CSTPP1: variants seen among roughly 807,000 people sequenced by gnomAD.
The protein encoded by CSTPP1 is centriolar satellite-associated tubulin polyglutamylase complex regulator 1, also known as UPF0705 protein C11orf49.
At chr11:47,161,194 A>C in the CSTPP1 span, 2 of 1,613,676 alleles carry the variant, frequency 1.2e-6, no homozygotes, top group Non-Finnish European at 1.7e-6. Flanking sequence ...AACGGCTGTA[A>C]GTGTCAAGTG....
the CSTPP1 span, among the ~76,000 whole-genome samples, chr11:46,982,872 ATTATT>A: frequency 6.6e-6 from 1 of 152,164 alleles, no homozygotes; most frequent in Non-Finnish European, 1.5e-5. Context: ...GATTACATAG[ATTATT>A]TTATTTAATC....
chr11:47,161,909 C>T, the CSTPP1 span: 6 of 1,232,850 alleles, frequency 4.9e-6, no homozygotes, highest in African/African-American at 1.5e-5. Context: ...CTTGTCACGC[C>T]GTAGCCTGTT....
chr11:47,159,424 C>G, the CSTPP1 span, among the ~76,000 whole-genome samples: 1 of 151,934 alleles, frequency 6.6e-6, no homozygotes, highest in Non-Finnish European at 1.5e-5. Flanking sequence ...GCATGAGAAT[C>G]GGTTGAGCCC....
the CSTPP1 span, among the ~76,000 whole-genome samples, chr11:46,951,988 C>T: frequency 1.3e-5 from 2 of 152,092 alleles, no homozygotes; most frequent in African/African-American, 4.8e-5. Flanking sequence ...GTTTGTTTGG[C>T]GCTTCAGGTG....
the CSTPP1 span, among the ~76,000 whole-genome samples, chr11:47,047,980 G>A: frequency 6.6e-6 from 1 of 152,188 alleles, no homozygotes; most frequent in African/African-American, 2.4e-5. Context: ...TTCTAGGTTG[G>A]CTGTTTTTTA....
the CSTPP1 span, among the ~76,000 whole-genome samples, chr11:47,083,362 C>G: frequency 1.2e-4 from 18 of 152,274 alleles, no homozygotes; most frequent in Middle Eastern, 3.4e-3. Context: ...CATTGATAGA[C>G]ATTGGATTGT....
the CSTPP1 span, chr11:47,162,248 C>G: frequency 3.0e-6 from 3 of 985,468 alleles, no homozygotes; most frequent in Non-Finnish European, 3.6e-6. Flanking sequence ...TGTCTGGTAA[C>G]TGGTGAGTCT....
At chr11:47,144,023 T>TA in the CSTPP1 span, among the ~76,000 whole-genome samples, 1 of 152,154 alleles carries the variant, frequency 6.6e-6, no homozygotes, top group Middle Eastern at 3.2e-3. Context: ...TGTGCCCCAT[T>TA]AACTGGATGA....
chr11:47,115,738 T>G, the CSTPP1 span, among the ~76,000 whole-genome samples: 1 of 151,870 alleles, frequency 6.6e-6, no homozygotes, highest in African/African-American at 2.4e-5. Flanking sequence ...GTCTATCAAT[T>G]TTGTTGATCT....
chr11:47,101,414 G>A, the CSTPP1 span, among the ~76,000 whole-genome samples: 1 of 151,630 alleles, frequency 6.6e-6, no homozygotes, highest in African/African-American at 2.4e-5. Flanking sequence ...CTTATGGTGA[G>A]TTTCAAGTAT....
chr11:47,163,543 G>A, the CSTPP1 span, among the ~76,000 whole-genome samples: 2 of 152,212 alleles, frequency 1.3e-5, no homozygotes, highest in South Asian at 2.1e-4. Context: ...AGAGAAAGGG[G>A]TGGCCAAGCT....
the CSTPP1 span, among the ~76,000 whole-genome samples, chr11:47,085,833 C>T: frequency 1.3e-5 from 2 of 151,058 alleles, no homozygotes; most frequent in East Asian, 1.9e-4. Flanking sequence ...GAGCCAAGGT[C>T]GCACCATTGC....
the CSTPP1 span, among the ~76,000 whole-genome samples, chr11:46,959,377 A>G: frequency 6.6e-5 from 10 of 152,070 alleles, no homozygotes; most frequent in Non-Finnish European, 1.5e-4. Context: ...TCCTGTTTTT[A>G]GTAGGGCACC....
At chr11:47,001,382 G>T in the CSTPP1 span, among the ~76,000 whole-genome samples, 1 of 152,156 alleles carries the variant, frequency 6.6e-6, no homozygotes, top group Non-Finnish European at 1.5e-5. Flanking sequence ...TAGAAAAGGA[G>T]CATTAATAAT....
chr11:46,988,206 G>T, the CSTPP1 span, among the ~76,000 whole-genome samples: 7 of 152,124 alleles, frequency 4.6e-5, no homozygotes, highest in Non-Finnish European at 1.0e-4. Context: ...CAATTCAACT[G>T]CTGGGTATAT....
chr11:47,145,283 G>A, the CSTPP1 span, among the ~76,000 whole-genome samples: 1 of 152,034 alleles, frequency 6.6e-6, no homozygotes. Flanking sequence ...ACCGCACCCG[G>A]CTGTATTGCC....
At chr11:47,151,605 A>T in the CSTPP1 span, among the ~76,000 whole-genome samples, 4 of 151,394 alleles carry the variant, frequency 2.6e-5, no homozygotes, top group African/African-American at 7.3e-5. Flanking sequence ...GGCGGGGGGA[A>T]GTTTCCAGGA....
chr11:47,135,718 G>A, the CSTPP1 span, among the ~76,000 whole-genome samples: 1 of 152,180 alleles, frequency 6.6e-6, no homozygotes, highest in African/African-American at 2.4e-5. Flanking sequence ...CTCTTTATCT[G>A]ACTACTGTCC....
the CSTPP1 span, among the ~76,000 whole-genome samples, chr11:47,030,357 G>A: frequency 6.6e-6 from 1 of 152,178 alleles, no homozygotes; most frequent in Non-Finnish European, 1.5e-5. Context: ...AGGACATAGA[G>A]TGCTGTTGGA....
Sources: allele counts gnomAD v4.1 joint callset (sites outside exome capture counted in the v4.1 genomes callset), GRCh38; gene constraint gnomAD v4.1.1; transcripts MANE v1.5; gene names NCBI Gene and HGNC (gene_info 2026-07-23, HGNC 2026-07-21).